Variants in EDIL3 observed in about 807,000 individuals in gnomAD.
EDIL3 encodes the protein EGF like and discoidin domains 3.
A neutral mutation model predicts 67.4 loss-of-function variants in EDIL3; 37 were observed. The ratio of observed to expected loss-of-function variants is 0.55; its 90% confidence interval spans 0.42 to 0.72. The LOEUF (loss-of-function observed/expected upper bound fraction) is 0.72. EDIL3 is among the 30% of genes least tolerant of loss of function. EDIL3 has a pLI of 0.00. For synonymous variants in EDIL3, 195 were observed against 196.3 expected (o/e 0.99, Z 0.05); for missense variants, 527 against 586.3 (o/e 0.90, Z 1.04).
chr5:84,096,693 G>A (rs1317610554), intron 6 of EDIL3, among the ~76,000 whole-genome samples: 2 of 152,086 alleles, frequency 1.3e-5, no homozygotes, highest in African/African-American at 2.4e-5. Context: ...CTGTTGGGAA[G>A]GCATGATTGG....
At chr5:84,301,183 G>A (rs1466393030) in intron 1 of EDIL3, among the ~76,000 whole-genome samples, 1 of 151,566 alleles carries the variant, frequency 6.6e-6, no homozygotes, top group Non-Finnish European at 1.5e-5. Flanking sequence ...CGGGAGAATC[G>A]CTTGAACCCT....
Position 84,118,530 on chromosome 5 carries a change from T to C in EDIL3, c.470-11700A>G, listed in dbSNP as rs1204886246. 2.6e-5 allele frequency among the ~76,000 whole-genome samples: 4 copies of C among 152,310 alleles called. No homozygotes were observed. In the East Asian group the frequency reaches 7.7e-4, roughly 29 times the overall value. On this transcript the variant is annotated intron_variant, in intron 5 of 10. Transcript: ENST00000296591. The stretch of plus-strand genomic sequence containing the variant: ...TTGAGTCTTCACAAACTTTCTATTA[T>C]ATCATTTTATCAAAACTGTTCCTCA...
intron 1 of EDIL3, among the ~76,000 whole-genome samples, chr5:84,308,055 A>G (rs1381137634): frequency 7.2e-5 from 11 of 152,172 alleles, no homozygotes; most frequent in African/African-American, 2.7e-4. Context: ...TATAAAGAAA[A>G]TAATGAGGAC....
At position 84,073,189 on chromosome 5, in the gene EDIL3, A is replaced by G. The variant is rs185697538; in HGVS notation, c.652-6583T>C. Among the ~76,000 whole-genome samples the G allele has an allele frequency of 1.3e-4, 20 of 152,258 alleles. No individual in the cohort carries two copies. In the East Asian group the frequency reaches 3.9e-3, roughly 29 times the overall value. On this transcript the variant is annotated intron_variant, in intron 6 of 10. Transcript: ENST00000296591. ...TCTCAATAAATTAGGTATTGATGGGACGTATCTCAAAATAATAAGGGCTAT... is the reference window on the plus strand; with the variant it reads ...TCTCAATAAATTAGGTATTGATGGGGCGTATCTCAAAATAATAAGGGCTAT...
At chr5:84,289,627 G>A (rs1010068539) in intron 1 of EDIL3, among the ~76,000 whole-genome samples, 3 of 152,092 alleles carry the variant, frequency 2.0e-5, no homozygotes, top group Admixed American at 6.6e-5. Context: ...GTATTCCTTG[G>A]TCTTTATCCT....
chr5:84,167,251 C>T (rs1008708765), intron 4 of EDIL3, among the ~76,000 whole-genome samples: 2 of 152,018 alleles, frequency 1.3e-5, no homozygotes, highest in African/African-American at 2.4e-5. Context: ...TTAAACTAAT[C>T]TCAGAGCATG....
intron 5 of EDIL3, among the ~76,000 whole-genome samples, chr5:84,108,625 T>C (rs1747505029): frequency 6.6e-6 from 1 of 152,212 alleles, no homozygotes. Flanking sequence ...CTTTCCATTT[T>C]AAACTTCAAG....
Position 84,056,051 on chromosome 5 carries a change from G to C in EDIL3, c.1137+4249C>G, listed in dbSNP as rs1746439967. Among the ~76,000 whole-genome samples, 9 of 152,138 alleles carry C rather than the reference G, an allele frequency of 5.9e-5. 1 individual carries two copies. In the South Asian group the frequency reaches 1.9e-3, roughly 32 times the overall value. ...CACTCCTCACAATAGCAAAGACTTG[G>C]AACCAACCCAAATGTCCAACAATGG... is the stretch of plus-strand genomic sequence containing the variant. On this transcript the variant is annotated intron_variant, in intron 9 of 10. Transcript: ENST00000296591.
At chr5:84,116,960 T>C (rs1377448467) in intron 5 of EDIL3, among the ~76,000 whole-genome samples, 2 of 151,982 alleles carry the variant, frequency 1.3e-5, no homozygotes, top group Admixed American at 6.6e-5. Context: ...TCTTTTCAAA[T>C]TTATTGTACG....
intron 4 of EDIL3, among the ~76,000 whole-genome samples, chr5:84,172,041 C>G (rs1318948435): frequency 6.6e-6 from 1 of 152,116 alleles, no homozygotes; most frequent in Non-Finnish European, 1.5e-5. Flanking sequence ...GTATACTTAT[C>G]TGGACCCCAC....
intron 3 of EDIL3, among the ~76,000 whole-genome samples, chr5:84,204,100 A>G (rs1374772893): frequency 6.6e-6 from 1 of 152,234 alleles, no homozygotes; most frequent in Non-Finnish European, 1.5e-5. Flanking sequence ...ACTTCACCTA[A>G]GTGAAGAATG....
chr5:84,203,698 C>T (rs560642996), intron 3 of EDIL3, among the ~76,000 whole-genome samples: 12 of 152,214 alleles, frequency 7.9e-5, no homozygotes, highest in African/African-American at 2.9e-4. Flanking sequence ...GCACAAGTGG[C>T]AGTTAAGAAC....
chr5:83,994,551 G>A (rs1745205348), intron 9 of EDIL3, among the ~76,000 whole-genome samples: 1 of 151,966 alleles, frequency 6.6e-6, no homozygotes, highest in South Asian at 2.1e-4. Context: ...TCCTATAATG[G>A]CTGAACAAGA....
intron 1 of EDIL3, among the ~76,000 whole-genome samples, chr5:84,371,056 T>C (rs761350121): frequency 6.6e-6 from 1 of 151,840 alleles, no homozygotes; most frequent in African/African-American, 2.4e-5. Context: ...TTACAGTCTA[T>C]TGGAAATAAG....
At chr5:84,014,557 A>T (rs1745567818) in intron 9 of EDIL3, among the ~76,000 whole-genome samples, 1 of 152,182 alleles carries the variant, frequency 6.6e-6, no homozygotes, top group South Asian at 2.1e-4. Context: ...AGGCAGAAGA[A>T]TCGCTTGAAC....
chr5:84,317,213 G>A (rs550757790), intron 1 of EDIL3, among the ~76,000 whole-genome samples: 1 of 152,156 alleles, frequency 6.6e-6, no homozygotes, highest in African/African-American at 2.4e-5. Context: ...AGAAAATCAA[G>A]AGCAAACACA....
intron 9 of EDIL3, among the ~76,000 whole-genome samples, chr5:84,049,537 T>A (rs1223099642): frequency 2.0e-5 from 3 of 152,230 alleles, no homozygotes. Context: ...GAGTTAAATG[T>A]TACTTTATTT....
At chr5:83,961,156 G>C (rs1744600054) in intron 10 of EDIL3, among the ~76,000 whole-genome samples, 1 of 150,858 alleles carries the variant, frequency 6.6e-6, no homozygotes, top group South Asian at 2.1e-4. Context: ...AATGAAAAAG[G>C]GTTGATTTGA....
intron 1 of EDIL3, among the ~76,000 whole-genome samples, chr5:84,352,901 A>G (rs1038122960): frequency 6.6e-6 from 1 of 152,176 alleles, no homozygotes; most frequent in Non-Finnish European, 1.5e-5. Context: ...TTCTCACCAT[A>G]GGAGATGGCA....
Sources: allele counts gnomAD v4.1 joint callset (sites outside exome capture counted in the v4.1 genomes callset), GRCh38; gene constraint gnomAD v4.1.1; transcripts MANE v1.5; gene names NCBI Gene and HGNC (gene_info 2026-07-23, HGNC 2026-07-21).